The following DDX52 variants were observed in gnomAD, a reference collection of about 807,000 sequenced individuals.
The protein encoded by DDX52 is DExD-box helicase 52, also known as probable ATP-dependent RNA helicase DDX52.
DDX52 carries 59 observed loss-of-function variants against 76.1 expected under a neutral mutation model. The observed-to-expected ratio is 0.78, with a 90% confidence interval of 0.63 to 0.96. The LOEUF is 0.96. DDX52 is among the 40% of genes least tolerant of loss of function. The pLI is 0.00. For missense variants in DDX52, 707 were observed against 703.9 expected (o/e 1.00, Z -0.05); for synonymous variants, 231 against 244.1 (o/e 0.95, Z 0.50).
chr17:37,625,838 A>T lies in DDX52; in HGVS notation c.1136+57T>A, dbSNP rs547576759. ...AAACCTATCTCCTTCAGTCTTTAAA[A>T]AAGACTTGTATTTAAAAAAAAAATC... is the stretch of plus-strand genomic sequence containing the variant. On this transcript the variant is annotated intron_variant, in intron 8 of 14. Coordinates refer to ENST00000617633, the MANE Select transcript of DDX52 (RefSeq NM_007010.5). 2.3e-4 allele frequency: 372 copies of T among 1,598,874 alleles called. 3 individuals are homozygous for T. Among genetic ancestry groups the T allele is most frequent in the Middle Eastern group, 6.7e-4 (4 of 6,010 alleles).
Position 37,614,361 on chromosome 17 carries a change from G to C in DDX52, c.1743-8C>G, listed in dbSNP as rs367580227. ...TGACCAGTGACCTTTTTCCTGTAAA[G>C]AGCAAAGTAAGAAAAATTGAATAAA... On this transcript the variant is annotated splice_region_variant and splice_polypyrimidine_tract_variant and intron_variant, in intron 14 of 14. Transcript: ENST00000617633. 16 of 1,604,930 alleles carry C rather than the reference G, an allele frequency of 1.0e-5. No homozygotes were observed. Among genetic ancestry groups the C allele is most frequent in the Non-Finnish European group, 1.4e-5 (16 of 1,177,494 alleles).
Position 37,611,776 on chromosome 17 carries a change from A to G in DDX52, c.*2520T>C, listed in dbSNP as rs1271066441. 6.6e-6 allele frequency: 1 copy of G among 150,992 alleles called. No homozygotes were observed. Among genetic ancestry groups the G allele is most frequent in the African/African-American group, 2.4e-5 (1 of 41,144 alleles). 9.4% of individuals were successfully genotyped at this position (150,992 alleles called of 1,614,324 possible). A position where few individuals can be genotyped will look rare whatever the true frequency, so the allele number is the denominator to read the frequency against. On this transcript the variant is annotated 3_prime_UTR_variant, in exon 15 of 15. Coordinates refer to ENST00000617633, the MANE Select transcript of DDX52 (RefSeq NM_007010.5). ...AAAAATCTAAAAAACCCAACTGGAC[A>G]ACAAGCAAGACCTCGTCTCTACAAA...
intron 3 of DDX52, 35 bp from the exon 4 acceptor site, chr17:37,632,333 G>A (rs2030722832): frequency 2.5e-6 from 4 of 1,605,100 alleles, no homozygotes; most frequent in East Asian, 2.2e-5. Flanking sequence ...CCATGGATAT[G>A]GCCAAATAAA....
At chr17:37,630,555 C>A (rs2030627824) in intron 4 of DDX52, among the ~76,000 whole-genome samples, 1 of 150,154 alleles carries the variant, frequency 6.7e-6, no homozygotes, top group Non-Finnish European at 1.5e-5. Flanking sequence ...TTTTATTGAA[C>A]AACAAAATGG....
At chr17:37,614,500 T>C in intron 14 of DDX52, 147 bp from the exon 15 acceptor site, 1 of 734,810 alleles carries the variant, frequency 1.4e-6, no homozygotes, top group Admixed American at 3.0e-5. Context: ...GCATTAGACA[T>C]GGTCTCTGCC....
chr17:37,629,999 T>C, intron 5 of DDX52, 31 bp downstream of exon 5: 1 of 1,582,606 alleles, frequency 6.3e-7, no homozygotes, highest in African/African-American at 1.4e-5. Flanking sequence ...TAAAAACCAA[T>C]CGCATACTCT....
chr17:37,628,988 T>C (rs538721932), intron 5 of DDX52, among the ~76,000 whole-genome samples: 6 of 152,196 alleles, frequency 3.9e-5, no homozygotes, highest in African/African-American at 1.4e-4. Flanking sequence ...GAGGCCAAGG[T>C]GGGTGGATCA....
At position 37,614,054 on chromosome 17, in the gene DDX52, G is replaced by T; in HGVS notation, c.*242C>A. 1 of 421,924 alleles carries T rather than the reference G, an allele frequency of 2.4e-6. No homozygotes were observed. The highest frequency in any genetic ancestry group is 4.2e-5 in the East Asian group (1 of 23,958). The allele number at this position is 421,924 out of a possible 1,614,324, so 26.1% of individuals were successfully genotyped here. ...AAGGCAGGAGGATTGTGTGAGGTCA[G>T]GAGTTCAAGACCAGCCTGGACAACA... On this transcript the variant is annotated 3_prime_UTR_variant, in exon 15 of 15. Coordinates refer to ENST00000617633, the MANE Select transcript of DDX52 (RefSeq NM_007010.5).
intron 4 of DDX52, among the ~76,000 whole-genome samples, chr17:37,630,612 A>G (rs2030630889): frequency 6.6e-6 from 1 of 151,776 alleles, no homozygotes; most frequent in Admixed American, 6.6e-5. Flanking sequence ...AGTAATTTAC[A>G]GGAGACAATT....
chr17:37,633,600 C>A (rs2147361203), intron 2 of DDX52, among the ~76,000 whole-genome samples, 182 bp from the exon 3 acceptor site: 2 of 148,184 alleles, frequency 1.3e-5, no homozygotes, highest in Admixed American at 1.4e-4. Context: ...AGGCTGCAGA[C>A]AGCTGTGATC....
intron 14 of DDX52, among the ~76,000 whole-genome samples, chr17:37,616,412 G>A (rs1331366088): frequency 3.9e-5 from 6 of 152,158 alleles, no homozygotes; most frequent in African/African-American, 1.2e-4. Flanking sequence ...TTGGGAGGCC[G>A]AGGTGGGAGA....
chr17:37,614,383 TA>T (rs1424861665), intron 14 of DDX52, 30 bp from the exon 15 acceptor site: 3 of 1,596,566 alleles, frequency 1.9e-6, no homozygotes, highest in Non-Finnish European at 2.6e-6. Context: ...AAAAATTGAA[TA>T]AAAAATTCTA....
At chr17:37,633,146 A>T in intron 3 of DDX52, 142 bp downstream of exon 3, 1 of 949,522 alleles carries the variant, frequency 1.1e-6, no homozygotes, top group Non-Finnish European at 1.4e-6. Flanking sequence ...AGTTTTCATT[A>T]AAGTAAAATC....
At chr17:37,620,845 T>C (rs1388478536) in intron 12 of DDX52, 28 bp downstream of exon 12, 6 of 1,571,852 alleles carry the variant, frequency 3.8e-6, no homozygotes, top group Non-Finnish European at 4.3e-6. Context: ...ATTTTGCCAA[T>C]AACACTAGGT....
intron 3 of DDX52, among the ~76,000 whole-genome samples, chr17:37,632,631 T>C (rs905364477): frequency 2.6e-5 from 4 of 152,310 alleles, no homozygotes; most frequent in Admixed American, 2.0e-4. Flanking sequence ...TTTTTGATGA[T>C]TTACCCTAAA....
chr17:37,620,007 G>A (rs1379134847), intron 12 of DDX52, 168 bp from the exon 13 acceptor site: 1 of 594,930 alleles, frequency 1.7e-6, no homozygotes, highest in African/African-American at 1.9e-5. Flanking sequence ...GGATTACAGA[G>A]AGAACTATCC....
intron 13 of DDX52, among the ~76,000 whole-genome samples, chr17:37,618,911 G>C (rs915511824): frequency 1.4e-4 from 21 of 152,214 alleles, no homozygotes; most frequent in Admixed American, 5.2e-4. Context: ...CAACCTTTTA[G>C]AAAGCTACTG....
chr17:37,611,440 C>T lies in DDX52; in HGVS notation c.*2856G>A, dbSNP rs1403758428. ...TATAAAGAAATAAAGTATTTTTCTA[C>T]AGCTGTACATTTGCATTTTAGGCTA... is the stretch of plus-strand genomic sequence containing the variant. On this transcript the variant is annotated 3_prime_UTR_variant, in exon 15 of 15. Transcript: ENST00000617633. The T allele has an allele frequency of 6.6e-6, 1 of 152,126 alleles. No individual in the cohort carries two copies. The highest frequency in any genetic ancestry group is 1.5e-5 in the Non-Finnish European group (1 of 68,018). The allele number at this position is 152,126 out of a possible 1,614,324, so 9.4% of individuals were successfully genotyped here.
chr17:37,618,493 T>C, intron 13 of DDX52, 109 bp from the exon 14 acceptor site: 1 of 938,054 alleles, frequency 1.1e-6, no homozygotes, highest in Non-Finnish European at 1.5e-6. Context: ...TTTTTTTTTT[T>C]CCTTTGAGAC....
Sources: allele counts gnomAD v4.1 joint callset (sites outside exome capture counted in the v4.1 genomes callset), GRCh38; gene constraint gnomAD v4.1.1; transcripts MANE v1.5; gene names NCBI Gene and HGNC (gene_info 2026-07-23, HGNC 2026-07-21).